TRPM3: variants seen among roughly 807,000 people sequenced by gnomAD.
TRPM3 encodes transient receptor potential cation channel subfamily M member 3, also known as long transient receptor potential channel 3.
TRPM3 carries 77 observed loss-of-function variants against 181.2 expected under a neutral mutation model. The observed-to-expected ratio is 0.42, with a 90% confidence interval of 0.35 to 0.51. The LOEUF (loss-of-function observed/expected upper bound fraction) is 0.51. Ranked by LOEUF, TRPM3 falls within the 20% of genes least tolerant of loss-of-function variation. The pLI is 0.01. For missense variants in TRPM3, 1,759 were observed against 2,196.7 expected, an observed-to-expected ratio of 0.80 and a Z score of 3.98; for synonymous variants, 745 against 796.4, an observed-to-expected ratio of 0.94 and a Z score of 1.09.
chr9:71,414,848 T>C (rs1283265224), intron 1 of TRPM3, among the ~76,000 whole-genome samples: 1 of 152,060 alleles, frequency 6.6e-6, no homozygotes, highest in Non-Finnish European at 1.5e-5. Context: ...ATATGTGCTT[T>C]GAGGTGACAG....
intron 1 of TRPM3, among the ~76,000 whole-genome samples, chr9:71,061,788 CA>C (rs2061364614): frequency 6.6e-6 from 1 of 152,104 alleles, no homozygotes; most frequent in Admixed American, 6.6e-5. Flanking sequence ...TCACCCCTTG[CA>C]TCATTTTGCT....
At chr9:70,983,214 T>C (rs968350685) in intron 1 of TRPM3, among the ~76,000 whole-genome samples, 5 of 152,116 alleles carry the variant, frequency 3.3e-5, no homozygotes, top group Non-Finnish European at 7.4e-5. Flanking sequence ...CTCTAGTTTT[T>C]TTCCTATCAC....
rs530313645 is a variant in TRPM3 at position 70,558,869 on chromosome 9, C to T, written c.3224-5559G>A. Among the ~76,000 whole-genome samples, 42 of 152,262 alleles carry T rather than the reference C, an allele frequency of 2.8e-4. 2 individuals are homozygous for T. The South Asian group carries it at 8.3e-3, about 30-fold the overall frequency. On this transcript the variant is annotated intron_variant, in intron 22 of 25. Transcript: ENST00000677713. Reference sequence around the variant, plus strand: ...CTCTATGGTTTACTTATGGGGGTCACATTGACACATCACATGGCAGAAGCC... The same window carrying T: ...CTCTATGGTTTACTTATGGGGGTCATATTGACACATCACATGGCAGAAGCC...
intron 22 of TRPM3, among the ~76,000 whole-genome samples, chr9:70,553,827 G>A (rs970517059): frequency 2.6e-5 from 4 of 152,192 alleles, no homozygotes; most frequent in African/African-American, 4.8e-5. Flanking sequence ...TCCAGCTAAC[G>A]ATTTGCTGTC....
intron 1 of TRPM3, among the ~76,000 whole-genome samples, chr9:71,115,815 G>A (rs1215437193): frequency 6.6e-6 from 1 of 152,168 alleles, no homozygotes; most frequent in Non-Finnish European, 1.5e-5. Flanking sequence ...CAGAGAGACA[G>A]GAGGGTTTCT....
At chr9:71,422,223 C>T (rs1365821013) in intron 1 of TRPM3, among the ~76,000 whole-genome samples, 1 of 151,804 alleles carries the variant, frequency 6.6e-6, no homozygotes, top group Non-Finnish European at 1.5e-5. Context: ...AACATGAGTA[C>T]CAACTTATGA....
chr9:70,810,581 C>T (rs1020773416), intron 6 of TRPM3, among the ~76,000 whole-genome samples: 2 of 152,078 alleles, frequency 1.3e-5, no homozygotes, highest in South Asian at 2.1e-4. Context: ...TGAATCAATG[C>T]TCAACCTATA....
chr9:71,013,502 G>A (rs2097762122), intron 1 of TRPM3, among the ~76,000 whole-genome samples: 1 of 151,370 alleles, frequency 6.6e-6, no homozygotes, highest in South Asian at 2.1e-4. Context: ...AACAATTTTT[G>A]TACATTTGGG....
At position 70,761,588 on chromosome 9, in the gene TRPM3, C is replaced by G; in HGVS notation, c.1272+13G>C. On this transcript the variant is annotated intron_variant, in intron 8 of 25. Transcript: ENST00000677713. The stretch of plus-strand genomic sequence containing the variant: ...ATGTGGAGACAGCTGGCCACCCATG[C>G]GGAATTACCTACCAATTCCTTCTTC... 1 of 1,613,876 alleles carries G rather than the reference C, an allele frequency of 6.2e-7. No homozygotes were observed. Among genetic ancestry groups the G allele is most frequent in the East Asian group, 2.2e-5 (1 of 44,816 alleles).
At chr9:71,082,664 T>C (rs949998616) in intron 1 of TRPM3, among the ~76,000 whole-genome samples, 1 of 152,172 alleles carries the variant, frequency 6.6e-6, no homozygotes, top group Non-Finnish European at 1.5e-5. Flanking sequence ...CTATCGTTAG[T>C]GGACTAAATT....
Position 70,618,876 on chromosome 9 carries a change from T to C in TRPM3, c.2349A>G (p.Ser783=). The stretch of plus-strand genomic sequence containing the variant: ...TATTGGGCGCCCTGACCTTGAGGCC[T>C]GAGTTCTTGCGCATGCGGAGCCGGC... ...WMGRLRMRKN[S]GLKVILGILL... Residue 783 remains serine, a synonymous_variant, in exon 17 of 26, where the codon TCA becomes TCG. Transcript: ENST00000677713. The C allele has an allele frequency of 6.2e-7, 1 of 1,605,866 alleles. No individual in the cohort carries two copies. The highest frequency in any genetic ancestry group is 8.5e-7 in the Non-Finnish European group (1 of 1,179,910).
At chr9:70,904,939 C>T (rs1240361516) in intron 1 of TRPM3, among the ~76,000 whole-genome samples, 4 of 152,226 alleles carry the variant, frequency 2.6e-5, no homozygotes, top group East Asian at 3.9e-4. Context: ...TAATGATCCC[C>T]GAGTCTCATA....
intron 1 of TRPM3, among the ~76,000 whole-genome samples, chr9:71,175,617 C>G (rs374628921): frequency 7.9e-5 from 12 of 152,264 alleles, no homozygotes; most frequent in Non-Finnish European, 8.8e-5. Context: ...ATCCATTGAT[C>G]AGAGCTAGTT....
At chr9:71,332,724 T>C (rs554403247) in intron 1 of TRPM3, among the ~76,000 whole-genome samples, 1 of 151,914 alleles carries the variant, frequency 6.6e-6, no homozygotes, top group East Asian at 1.9e-4. Context: ...TTATAGGATT[T>C]CTTAAAAAGA....
Position 71,373,985 on chromosome 9 carries a change from G to A in TRPM3, c.183+72668C>T, listed in dbSNP as rs144523246. On this transcript the variant is annotated intron_variant, in intron 1 of 24. Transcript: ENST00000357533. ...GTTGGTTCAACATACACAAATCAAC[G>A]TGATTCATCACATAAACAGAACTAA... Among the ~76,000 whole-genome samples, 22 of 152,256 alleles carry A rather than the reference G, an allele frequency of 1.4e-4. No homozygotes were observed. The East Asian group carries it at 2.7e-3, about 19-fold the overall frequency.
At chr9:70,631,300 T>C (rs2065805397) in intron 12 of TRPM3, among the ~76,000 whole-genome samples, 1 of 151,668 alleles carries the variant, frequency 6.6e-6, no homozygotes, top group Non-Finnish European at 1.5e-5. Context: ...CAAATTTCCA[T>C]GCATTTAGCA....
At chr9:71,217,851 A>G (rs1012671145) in intron 1 of TRPM3, among the ~76,000 whole-genome samples, 2 of 152,134 alleles carry the variant, frequency 1.3e-5, no homozygotes, top group East Asian at 3.9e-4. Context: ...TGTCCTTAAC[A>G]GTGACCTGGA....
chr9:70,847,301 A>G (rs970527893), intron 3 of TRPM3, among the ~76,000 whole-genome samples: 14 of 152,236 alleles, frequency 9.2e-5, no homozygotes, highest in Non-Finnish European at 1.9e-4. Flanking sequence ...ATAACCATAT[A>G]TATAGATACT....
intron 6 of TRPM3, among the ~76,000 whole-genome samples, chr9:70,786,649 G>A (rs1023145855): frequency 1.3e-5 from 2 of 152,084 alleles, no homozygotes; most frequent in Non-Finnish European, 2.9e-5. Context: ...ATTGTTAAAG[G>A]TTATTTTATG....
Sources: gnomAD v4.1 joint callset for allele counts (sites outside exome capture counted in the v4.1 genomes callset) on GRCh38, gnomAD v4.1.1 for gene constraint, MANE v1.5 for transcripts, NCBI Gene and HGNC (gene_info 2026-07-23, HGNC 2026-07-21) for gene names.